TENM2: variants seen among roughly 807,000 people sequenced by gnomAD.
The protein encoded by TENM2 is teneurin transmembrane protein 2.
Under a neutral mutation model 245.2 loss-of-function variants are expected in TENM2, and 52 were observed. The observed-to-expected ratio is 0.21, with a 90% CI of 0.17 to 0.27. TENM2 has a LOEUF of 0.27. TENM2 is among the 10% of genes least tolerant of loss of function. The pLI, the probability that TENM2 is intolerant of heterozygous loss-of-function variation, is 1.00. For synonymous variants in TENM2, 1,363 were observed against 1,438.9 expected (o/e 0.95, Z 1.19); for missense variants, 3,046 against 3,666.8 (o/e 0.83, Z 4.37).
At chr5:167,732,650 T>C (rs1438845525) in intron 2 of TENM2, among the ~76,000 whole-genome samples, 2 of 152,174 alleles carry the variant, frequency 1.3e-5, no homozygotes, top group Non-Finnish European at 2.9e-5. Flanking sequence ...AAATTTCTCA[T>C]TAGTGACATG....
rs536393755 is a variant in TENM2, at chr5:167,844,248, G to C, written c.503-31738G>C. On this transcript the variant is annotated intron_variant, in intron 2 of 28. Coordinates refer to ENST00000518659, the Ensembl canonical transcript of TENM2. Reference sequence around the variant, plus strand: ...AACAGTGTTTTATTTAAACAAGGTCGGCTTCGACCTTGATTGACTTGCAGT... The same window carrying C: ...AACAGTGTTTTATTTAAACAAGGTCCGCTTCGACCTTGATTGACTTGCAGT... Among the ~76,000 whole-genome samples, 127 of 152,238 alleles carry C rather than the reference G, an allele frequency of 8.3e-4. 1 individual carries two copies. The South Asian group carries it at 0.025, about 30-fold the overall frequency.
At chr5:167,548,855 G>C (rs1772745850) in intron 2 of TENM2, among the ~76,000 whole-genome samples, 1 of 152,154 alleles carries the variant, frequency 6.6e-6, no homozygotes. Context: ...AATGGAACTT[G>C]CAGTTTATTG....
chr5:167,334,720 A>G (rs1271234291), intron 1 of TENM2, among the ~76,000 whole-genome samples: 1 of 152,178 alleles, frequency 6.6e-6, no homozygotes, highest in East Asian at 1.9e-4. Context: ...ACAACATATT[A>G]TCTGGTTTGC....
intron 2 of TENM2, among the ~76,000 whole-genome samples, chr5:167,622,646 G>T (rs1778251411): frequency 6.6e-6 from 1 of 152,062 alleles, no homozygotes; most frequent in African/African-American, 2.4e-5. Flanking sequence ...TCCAGCTCCA[G>T]GTACATTGTG....
Position 167,845,843 on chromosome 5 carries a change from G to A in TENM2, c.503-30143G>A, listed in dbSNP as rs1769993403. 2.6e-5 allele frequency among the ~76,000 whole-genome samples: 4 copies of A among 152,170 alleles called. No homozygotes were observed. The South Asian group carries it at 6.2e-4, about 24-fold the overall frequency. ...TTTTCCCCATTTCACATTGAAAACA[G>A]AAGCATCAGAAAGTCAACTAAACTT... On this transcript the variant is annotated intron_variant, in intron 2 of 28. Transcript: ENST00000518659.
chr5:167,228,535 T>G, the TENM2 span, among the ~76,000 whole-genome samples: 1 of 152,182 alleles, frequency 6.6e-6, no homozygotes, highest in Admixed American at 6.5e-5. Context: ...TCACTGAGCT[T>G]CTTCATCAAA....
chr5:167,775,374 G>C (rs984832231), intron 2 of TENM2, among the ~76,000 whole-genome samples: 1 of 152,180 alleles, frequency 6.6e-6, no homozygotes, highest in African/African-American at 2.4e-5. Flanking sequence ...TCCCATCACA[G>C]TTGGAAAAAA....
rs141742751 is a variant in TENM2, at chr5:167,911,459, G to A, written c.712+35264G>A. ...GGAGAATGGCGTGAACCTGGGAGGC[G>A]GAGCTTGCCGTGAGCCGAGATCGCG... On this transcript the variant is annotated intron_variant, in intron 3 of 28. Transcript: ENST00000518659. 4.0e-3 allele frequency among the ~76,000 whole-genome samples: 609 copies of A among 152,286 alleles called. 4 individuals are homozygous for A. The highest frequency in any genetic ancestry group is 0.013 in the African/African-American group (555 of 41,556).
chr5:167,789,351 A>G (rs1764794099), intron 2 of TENM2, among the ~76,000 whole-genome samples: 1 of 152,236 alleles, frequency 6.6e-6, no homozygotes, highest in African/African-American at 2.4e-5. Flanking sequence ...GTCGTAGGTC[A>G]GTGGCTGCTT....
At chr5:167,236,577 T>A in the TENM2 span, among the ~76,000 whole-genome samples, 2 of 152,330 alleles carry the variant, frequency 1.3e-5, no homozygotes, top group Admixed American at 6.5e-5. Context: ...AGATTAAATC[T>A]TAGAAGTCTT....
chr5:167,034,462 C>G, the TENM2 span, among the ~76,000 whole-genome samples: 4 of 151,836 alleles, frequency 2.6e-5, no homozygotes, highest in Non-Finnish European at 5.9e-5. Flanking sequence ...AACCCCGTCT[C>G]TACTAAAAAT....
intron 4 of TENM2, among the ~76,000 whole-genome samples, chr5:167,988,245 CA>C (rs1783397524): frequency 6.6e-6 from 1 of 152,162 alleles, no homozygotes; most frequent in South Asian, 2.1e-4. Context: ...TTTTAGCATT[CA>C]TTATTTTGGT....
At chr5:167,723,181 A>G (rs968800964) in intron 2 of TENM2, among the ~76,000 whole-genome samples, 2 of 152,122 alleles carry the variant, frequency 1.3e-5, no homozygotes, top group Non-Finnish European at 2.9e-5. Flanking sequence ...AAGAGTTAGG[A>G]GTTCATTCTT....
At chr5:168,106,433 T>G (rs1362643838) in intron 9 of TENM2, among the ~76,000 whole-genome samples, 1 of 152,188 alleles carries the variant, frequency 6.6e-6, no homozygotes, top group Admixed American at 6.5e-5. Context: ...TACATAATTA[T>G]GTCATTGAAT....
chr5:167,127,637 A>G, the TENM2 span, among the ~76,000 whole-genome samples: 1 of 151,174 alleles, frequency 6.6e-6, no homozygotes, highest in African/African-American at 2.4e-5. Context: ...TTAAAAAAAA[A>G]AAAGGAAAAG....
At chr5:167,807,391 C>T (rs1267222844) in intron 2 of TENM2, among the ~76,000 whole-genome samples, 2 of 151,932 alleles carry the variant, frequency 1.3e-5, no homozygotes, top group Non-Finnish European at 2.9e-5. Context: ...GGCCATTCAC[C>T]TTGCCCACTA....
chr5:167,282,241 C>T (rs1771106490), upstream of TENM2, among the ~76,000 whole-genome samples: 1 of 152,100 alleles, frequency 6.6e-6, no homozygotes. Flanking sequence ...ACTCAAAATA[C>T]TCAACTCCCC....
intron 4 of TENM2, among the ~76,000 whole-genome samples, chr5:167,981,649 G>A (rs1782842744): frequency 6.6e-6 from 1 of 152,172 alleles, no homozygotes; most frequent in Admixed American, 6.5e-5. Flanking sequence ...CTAACTCAAA[G>A]AGATGGCATA....
intron 2 of TENM2, among the ~76,000 whole-genome samples, chr5:167,479,962 G>C (rs1767654657): frequency 6.6e-6 from 1 of 152,186 alleles, no homozygotes. Context: ...CAGGGATTCT[G>C]AGTCAACCCG....
Sources: gnomAD v4.1 joint callset for allele counts (sites outside exome capture counted in the v4.1 genomes callset) on GRCh38, gnomAD v4.1.1 for gene constraint, MANE v1.5 for transcripts, NCBI Gene and HGNC (gene_info 2026-07-23, HGNC 2026-07-21) for gene names.